ZNF385C: variants seen among roughly 807,000 people sequenced by gnomAD.
ZNF385C encodes the protein CTD-2132N18.2.
ZNF385C carries 28 observed loss-of-function variants against 35.4 expected under a neutral mutation model. That is an observed-to-expected ratio of 0.79 (90% CI 0.59 to 1.08). The LOEUF (loss-of-function observed/expected upper bound fraction) is 1.08, where lower values mean the gene tolerates loss of function less well. Ranked by LOEUF, ZNF385C falls within the 50% of genes least tolerant of loss-of-function variation. The pLI is 0.00. For synonymous variants in ZNF385C, 248 were observed against 248.2 expected (o/e 1.00, Z 0.01); for missense variants, 605 against 595.6 (o/e 1.02, Z -0.16).
intron 2 of ZNF385C, among the ~76,000 whole-genome samples, chr17:42,044,627 AAAAG>A (rs1265590908): frequency 2.0e-5 from 3 of 152,026 alleles, no homozygotes; most frequent in East Asian, 1.9e-4. Context: ...AAAAAAAAAA[AAAAG>A]AAAGAAAAGA....
intron 1 of ZNF385C, among the ~76,000 whole-genome samples, chr17:42,074,938 A>AT (rs149383110): frequency 0.077 from 11,693 of 152,294 alleles, 479 homozygotes; most frequent in African/African-American, 0.099. Context: ...GAACATGCCA[A>AT]TGATGGGGAG....
intron 1 of ZNF385C, among the ~76,000 whole-genome samples, chr17:42,079,732 G>A (rs973926405): frequency 3.9e-4 from 59 of 152,078 alleles, no homozygotes; most frequent in African/African-American, 1.4e-3. Flanking sequence ...ACTGCGATGT[G>A]AGGGATGATG....
At chr17:42,093,211 G>A (rs2053881048) in intron 1 of ZNF385C, among the ~76,000 whole-genome samples, 1 of 148,656 alleles carries the variant, frequency 6.7e-6, no homozygotes, top group South Asian at 2.2e-4. Context: ...AGGGTGGGGA[G>A]CACAGCTGTG....
intron 2 of ZNF385C, among the ~76,000 whole-genome samples, chr17:42,054,582 C>CTTTT (rs56706078): frequency 7.4e-6 from 1 of 135,576 alleles, no homozygotes; most frequent in Non-Finnish European, 1.5e-5. Context: ...ACTAGAACTT[C>CTTTT]TTTTTTTTTT....
intron 1 of ZNF385C, among the ~76,000 whole-genome samples, chr17:42,084,770 C>T (rs1478626086): frequency 6.6e-6 from 1 of 151,820 alleles, no homozygotes; most frequent in African/African-American, 2.4e-5. Flanking sequence ...ACCACCATGC[C>T]CAGCTAATTT....
chr17:42,085,272 AT>A (rs1323038529), intron 1 of ZNF385C, among the ~76,000 whole-genome samples: 48 of 150,772 alleles, frequency 3.2e-4, no homozygotes, highest in Non-Finnish European at 5.8e-4. Flanking sequence ...TCTGCAAAAC[AT>A]TTTTTTTTGT....
chr17:42,090,486 T>C (rs974890281), intron 1 of ZNF385C, among the ~76,000 whole-genome samples: 4 of 151,532 alleles, frequency 2.6e-5, no homozygotes, highest in Non-Finnish European at 4.4e-5. Context: ...GTTTTCACCA[T>C]GTTGGCCAGG....
chr17:42,042,968 A>C, intron 2 of ZNF385C: 1 of 1,232,384 alleles, frequency 8.1e-7, no homozygotes, highest in Non-Finnish European at 1.0e-6. Flanking sequence ...TTTGCCATGC[A>C]GTACACAGTA....
At chr17:42,084,345 C>T (rs1364934308) in intron 1 of ZNF385C, among the ~76,000 whole-genome samples, 1 of 149,736 alleles carries the variant, frequency 6.7e-6, no homozygotes, top group African/African-American at 2.5e-5. Flanking sequence ...AAACCCAAAA[C>T]CAAAAACAAA....
intron 2 of ZNF385C, among the ~76,000 whole-genome samples, chr17:42,051,104 T>C (rs2053274859): frequency 6.6e-6 from 1 of 151,852 alleles, no homozygotes; most frequent in African/African-American, 2.4e-5. Context: ...AGGATTCCTC[T>C]GGAAGTTGAC....
intron 2 of ZNF385C, chr17:42,040,119 C>T: frequency 2.4e-6 from 3 of 1,231,408 alleles, no homozygotes; most frequent in South Asian, 8.2e-5. Flanking sequence ...GCAGCGCCCC[C>T]TCGCCATGCG....
At chr17:42,062,198 C>G (rs950674561) in intron 2 of ZNF385C, 1 of 152,858 alleles carries the variant, frequency 6.5e-6, no homozygotes, top group Non-Finnish European at 1.5e-5. Context: ...CCCTGTGCAC[C>G]TGTCAGCTAG....
intron 1 of ZNF385C, among the ~76,000 whole-genome samples, chr17:42,086,646 G>A (rs1255100038): frequency 1.5e-5 from 2 of 136,330 alleles, no homozygotes; most frequent in African/African-American, 5.5e-5. Context: ...AGGCTGCAGT[G>A]AGCCAAGACC....
chr17:42,045,413 A>G (rs1265737697), intron 2 of ZNF385C, among the ~76,000 whole-genome samples: 4 of 152,124 alleles, frequency 2.6e-5, no homozygotes, highest in Non-Finnish European at 5.9e-5. Flanking sequence ...AAATGTAACT[A>G]CCATTTCTGG....
chr17:42,034,353 G>A lies in ZNF385C; in HGVS notation c.400-18C>T. ...GGGTCCATCTGTGAAGGGAGTGGGA[G>A]GGCATAATAACTCTGGGGTTGGCTT... is the stretch of plus-strand genomic sequence containing the variant. On this transcript the variant is annotated intron_variant, in intron 3 of 8. Coordinates refer to ENST00000692273, the MANE Select transcript of ZNF385C (RefSeq NM_001392013.1). 6.5e-7 allele frequency: 1 copy of A among 1,542,932 alleles called. No individual in the cohort carries two copies. The highest frequency in any genetic ancestry group is 8.8e-7 in the Non-Finnish European group (1 of 1,140,496).
At chr17:42,088,380 C>T (rs141022972) in intron 1 of ZNF385C, among the ~76,000 whole-genome samples, 5 of 152,338 alleles carry the variant, frequency 3.3e-5, no homozygotes, top group East Asian at 3.9e-4. Context: ...CCCGGGTGGG[C>T]GCAGTGCCCC....
chr17:42,093,673 C>T (rs1248336603), intron 1 of ZNF385C, among the ~76,000 whole-genome samples: 3 of 151,674 alleles, frequency 2.0e-5, no homozygotes, highest in African/African-American at 7.3e-5. Flanking sequence ...CTGTACCTCC[C>T]AGGCTCAGGC....
intron 1 of ZNF385C, among the ~76,000 whole-genome samples, chr17:42,096,809 C>A (rs2053922089): frequency 6.6e-6 from 1 of 151,754 alleles, no homozygotes; most frequent in Non-Finnish European, 1.5e-5. Context: ...GGACTCTCTC[C>A]CCTCTACAGA....
chr17:42,079,726 C>T (rs1442803439), intron 1 of ZNF385C, among the ~76,000 whole-genome samples: 1 of 151,780 alleles, frequency 6.6e-6, no homozygotes, highest in Non-Finnish European at 1.5e-5. Context: ...AAGCCCACTG[C>T]GATGTGAGGG....
Sources: gnomAD v4.1 joint callset for allele counts (sites outside exome capture counted in the v4.1 genomes callset) on GRCh38, gnomAD v4.1.1 for gene constraint, MANE v1.5 for transcripts, NCBI Gene and HGNC (gene_info 2026-07-23, HGNC 2026-07-21) for gene names.